Variants in SLC25A43 observed in about 807,000 individuals in gnomAD.
SLC25A43 encodes solute carrier family 25 member 43.
In SLC25A43, 10 loss-of-function variants were observed where a neutral mutation model predicts 22.8. The ratio of observed to expected loss-of-function variants is 0.44; its 90% CI spans 0.27 to 0.74. The LOEUF (loss-of-function observed/expected upper bound fraction) is 0.74, where lower values mean the gene tolerates loss of function less well. Among genes scored for constraint, SLC25A43 ranks in the 30% least tolerant of loss-of-function variants. SLC25A43 has a pLI of 0.17. For synonymous variants in SLC25A43, 106 were observed against 121.6 expected (o/e 0.87, Z 0.84); for missense variants, 233 against 279.1 (o/e 0.83, Z 1.18).
chrX:119,445,627 G>A (rs964313153), intron 3 of SLC25A43, among the ~76,000 whole-genome samples: 13 of 112,008 alleles, frequency 1.2e-4, no homozygotes, highest in African/African-American at 4.2e-4. Flanking sequence ...AGTAGGCACA[G>A]CATCTGGCCT....
chrX:119,453,456 T>A lies in SLC25A43; in HGVS notation c.*391T>A. ...GTGAGGTCAGCCACTGGGTCACTTG[T>A]AGTCAATGCAAAGCTTGCACAAACC... On this transcript the variant is annotated 3_prime_UTR_variant, in exon 5 of 5. Coordinates refer to ENST00000217909, the MANE Select transcript of SLC25A43 (RefSeq NM_145305.3). The A allele has an allele frequency of 1.2e-5, 2 of 166,972 alleles. No homozygotes were observed. The highest frequency in any genetic ancestry group is 2.3e-5 in the Non-Finnish European group (2 of 88,773). 13.8% of individuals were successfully genotyped at this position (166,972 alleles called of 1,213,427 possible). A position where few individuals can be genotyped will look rare whatever the true frequency, so the allele number is the denominator to read the frequency against.
At chrX:119,418,902 T>G (rs2052429365) in intron 3 of SLC25A43, among the ~76,000 whole-genome samples, 1 of 112,276 alleles carries the variant, frequency 8.9e-6, no homozygotes, top group South Asian at 3.7e-4. Context: ...AGCCTGGCCT[T>G]TTTGTCTATC....
At chrX:119,447,893 T>G (rs1430953586) in intron 3 of SLC25A43, among the ~76,000 whole-genome samples, 4 of 111,037 alleles carry the variant, frequency 3.6e-5, no homozygotes, top group African/African-American at 1.3e-4. Flanking sequence ...CACTCCCTAA[T>G]TATGTCTCCG....
At chrX:119,426,816 TAA>T (rs397813108) in intron 3 of SLC25A43, among the ~76,000 whole-genome samples, 2 of 96,341 alleles carry the variant, frequency 2.1e-5, no homozygotes, top group African/African-American at 7.6e-5. Flanking sequence ...AAACTCTATT[TAA>T]AAAAAAAAAA....
At chrX:119,407,204 G>A (rs181321996) in intron 2 of SLC25A43, among the ~76,000 whole-genome samples, 4 of 111,826 alleles carry the variant, frequency 3.6e-5, no homozygotes, top group African/African-American at 9.7e-5. Context: ...TCCAAGTCCT[G>A]GGTGTCTTCC....
intron 3 of SLC25A43, among the ~76,000 whole-genome samples, chrX:119,445,949 T>C (rs976967987): frequency 9.2e-6 from 1 of 109,141 alleles, no homozygotes; most frequent in Non-Finnish European, 1.9e-5. Context: ...GGTCAAGAGT[T>C]TGAGGCCAGC....
chrX:119,412,622 C>T (rs2052360239), intron 3 of SLC25A43, among the ~76,000 whole-genome samples: 1 of 111,889 alleles, frequency 8.9e-6, no homozygotes. Context: ...GAGATCCACC[C>T]GCCTCAGCCT....
chrX:119,442,725 T>C (rs1332216484), intron 3 of SLC25A43, among the ~76,000 whole-genome samples: 1 of 112,542 alleles, frequency 8.9e-6, no homozygotes, highest in Non-Finnish European at 1.9e-5. Context: ...CCATCTACAA[T>C]GTCTTGTGAA....
At chrX:119,414,311 C>CT (rs1298502852) in intron 3 of SLC25A43, among the ~76,000 whole-genome samples, 1 of 112,045 alleles carries the variant, frequency 8.9e-6, no homozygotes, top group Non-Finnish European at 1.9e-5. Context: ...GATATTAACC[C>CT]TTTGTCATAC....
At chrX:119,448,066 G>C (rs1002382138) in intron 3 of SLC25A43, among the ~76,000 whole-genome samples, 5 of 111,523 alleles carry the variant, frequency 4.5e-5, no homozygotes, top group African/African-American at 9.8e-5. Context: ...CTCCATCTCA[G>C]TTCATGGCAC....
At chrX:119,408,817 C>T (rs1198876530) in intron 2 of SLC25A43, among the ~76,000 whole-genome samples, 1 of 111,305 alleles carries the variant, frequency 9.0e-6, no homozygotes, top group African/African-American at 3.3e-5. Flanking sequence ...GGTGAGGAAG[C>T]CACACAGTGT....
At chrX:119,431,879 G>T (rs1167520992) in intron 3 of SLC25A43, among the ~76,000 whole-genome samples, 1 of 110,937 alleles carries the variant, frequency 9.0e-6, no homozygotes, top group Non-Finnish European at 1.9e-5. Flanking sequence ...GGAGGCCAGG[G>T]GCGGTGGCTC....
intron 3 of SLC25A43, among the ~76,000 whole-genome samples, chrX:119,422,250 C>T (rs1319688019): frequency 5.4e-5 from 6 of 111,684 alleles, no homozygotes; most frequent in Admixed American, 9.5e-5. Context: ...TTAGCCTATA[C>T]GTGCCCTCTG....
intron 3 of SLC25A43, among the ~76,000 whole-genome samples, chrX:119,435,158 A>G (rs1431995243): frequency 1.3e-4 from 14 of 111,187 alleles, no homozygotes; most frequent in African/African-American, 3.9e-4. Flanking sequence ...TTTTTTTAAA[A>G]AAAGAAAAAA....
chrX:119,447,686 G>A (rs2052678660), intron 3 of SLC25A43, among the ~76,000 whole-genome samples: 1 of 110,404 alleles, frequency 9.1e-6, no homozygotes, highest in Admixed American at 9.8e-5. Flanking sequence ...CATCTTACTG[G>A]GCCCTCAGCA....
In SLC25A43 at chrX:119,405,555, T is replaced by C. The variant is rs933835431; in HGVS notation, c.276-905T>C. The stretch of plus-strand genomic sequence containing the variant: ...GGGCAGATCACTTGAGCCCAGGAGT[T>C]TGAGACCAGGCTAGCCAACATGGCG... On this transcript the variant is annotated intron_variant, in intron 1 of 4. Transcript: ENST00000217909. Among the ~76,000 whole-genome samples, 3 of 93,538 alleles carry C rather than the reference T, an allele frequency of 3.2e-5. No homozygotes were observed. The Admixed American group carries it at 4.0e-4, about 12-fold the overall frequency. The allele number at this position is 93,538 out of a possible 115,157, so 81.2% of individuals were successfully genotyped here.
At chrX:119,418,807 G>C (rs999793035) in intron 3 of SLC25A43, among the ~76,000 whole-genome samples, 1 of 111,941 alleles carries the variant, frequency 8.9e-6, no homozygotes, top group Non-Finnish European at 1.9e-5. Context: ...CCCCAACTTG[G>C]TGTGCTTTCA....
chrX:119,415,469 C>T (rs975268994), intron 3 of SLC25A43, among the ~76,000 whole-genome samples: 5 of 106,983 alleles, frequency 4.7e-5, no homozygotes, highest in Middle Eastern at 5.1e-3. Flanking sequence ...CCAAGGTGGG[C>T]GGATCACCTG....
At chrX:119,426,367 C>A in intron 3 of SLC25A43, 1 of 356,663 alleles carries the variant, frequency 2.8e-6, no homozygotes. Context: ...AAGAATGGTG[C>A]CTACCTCATC....
Sources: allele counts gnomAD v4.1 joint callset (sites outside exome capture counted in the v4.1 genomes callset), GRCh38; gene constraint gnomAD v4.1.1; transcripts MANE v1.5; gene names NCBI Gene and HGNC (gene_info 2026-07-23, HGNC 2026-07-21).